Variants in DRC8 observed in about 807,000 individuals in gnomAD.
DRC8 encodes dynein regulatory complex subunit 8, also known as dynein regulatory complex protein 8.
At chr1:245,012,787 G>A in the DRC8 span, among the ~76,000 whole-genome samples, 3,550 of 152,126 alleles carry the variant, frequency 0.023, 154 homozygotes, top group African/African-American at 0.082. Flanking sequence ...GATTGCAATA[G>A]CAATAAAACT....
At chr1:244,989,439 A>G in the DRC8 span, among the ~76,000 whole-genome samples, 1 of 152,146 alleles carries the variant, frequency 6.6e-6, no homozygotes, top group African/African-American at 2.4e-5. Context: ...AATGGGTCAG[A>G]ATGCCCCTCT....
the DRC8 span, chr1:245,087,633 C>G: frequency 1.9e-6 from 2 of 1,060,878 alleles, no homozygotes; most frequent in African/African-American, 3.4e-5. Context: ...TACAATAAAA[C>G]TCAGGTCACC....
chr1:245,002,090 A>T, the DRC8 span: 1 of 1,542,158 alleles, frequency 6.5e-7, no homozygotes, highest in Non-Finnish European at 8.8e-7. Context: ...ATTGATCACC[A>T]AGTACTCTTC....
the DRC8 span, among the ~76,000 whole-genome samples, chr1:245,021,828 A>G: frequency 6.6e-6 from 1 of 152,106 alleles, no homozygotes; most frequent in Admixed American, 6.5e-5. Flanking sequence ...CAAAACTCTC[A>G]TAAGAACTTT....
the DRC8 span, among the ~76,000 whole-genome samples, chr1:245,090,571 A>G: frequency 6.6e-6 from 1 of 152,212 alleles, no homozygotes; most frequent in Non-Finnish European, 1.5e-5. Context: ...AAAGGTGACA[A>G]TCAAGAAGTT....
At chr1:245,012,600 C>T in the DRC8 span, among the ~76,000 whole-genome samples, 5 of 151,948 alleles carry the variant, frequency 3.3e-5, no homozygotes, top group African/African-American at 4.8e-5. Context: ...ATCACAATAT[C>T]TACAAAACCC....
chr1:245,016,207 C>T, the DRC8 span, among the ~76,000 whole-genome samples: 79,614 of 151,946 alleles, frequency 0.52, 23,316 homozygotes, highest in East Asian at 0.75. Context: ...TCTCAAACTC[C>T]TGACCTCAGG....
At chr1:244,979,282 C>G in the DRC8 span, among the ~76,000 whole-genome samples, 4 of 138,746 alleles carry the variant, frequency 2.9e-5, no homozygotes, top group Non-Finnish European at 6.1e-5. Flanking sequence ...AGGAGATAAC[C>G]GAAGCTTATC....
At chr1:245,099,034 T>C in the DRC8 span, among the ~76,000 whole-genome samples, 1 of 152,102 alleles carries the variant, frequency 6.6e-6, no homozygotes, top group African/African-American at 2.4e-5. Context: ...GAAACACCGT[T>C]TCATTTTTTC....
chr1:245,033,184 G>A, the DRC8 span, among the ~76,000 whole-genome samples: 1 of 152,196 alleles, frequency 6.6e-6, no homozygotes, highest in East Asian at 1.9e-4. Context: ...ACTGGACCTG[G>A]TGACCTTTAT....
chr1:245,039,876 G>A, the DRC8 span, among the ~76,000 whole-genome samples: 1 of 152,162 alleles, frequency 6.6e-6, no homozygotes, highest in Non-Finnish European at 1.5e-5. Flanking sequence ...TCATGTCAGG[G>A]AATACATGAT....
the DRC8 span, among the ~76,000 whole-genome samples, chr1:244,971,393 G>C: frequency 6.6e-6 from 1 of 152,242 alleles, no homozygotes; most frequent in African/African-American, 2.4e-5. Context: ...CGGAGGCATC[G>C]ATGTGTTGTC....
At chr1:245,052,986 A>C in the DRC8 span, among the ~76,000 whole-genome samples, 1 of 152,214 alleles carries the variant, frequency 6.6e-6, no homozygotes, top group Non-Finnish European at 1.5e-5. Context: ...TGTATGATAA[A>C]ACTTGAGATA....
At chr1:245,047,943 C>T in the DRC8 span, among the ~76,000 whole-genome samples, 1 of 147,826 alleles carries the variant, frequency 6.8e-6, no homozygotes, top group African/African-American at 2.5e-5. Flanking sequence ...CCACTGCACT[C>T]CAGCCTGGGT....
the DRC8 span, among the ~76,000 whole-genome samples, chr1:245,082,643 A>C: frequency 6.6e-6 from 1 of 152,180 alleles, no homozygotes; most frequent in Non-Finnish European, 1.5e-5. Context: ...AAATCCAAAA[A>C]GATTTCAATG....
chr1:244,997,783 G>A, the DRC8 span, among the ~76,000 whole-genome samples: 4 of 152,078 alleles, frequency 2.6e-5, no homozygotes, highest in African/African-American at 9.7e-5. Flanking sequence ...GACCTCAGGT[G>A]ATCCGCCCAC....
chr1:245,052,731 G>C, the DRC8 span, among the ~76,000 whole-genome samples: 1 of 152,228 alleles, frequency 6.6e-6, no homozygotes, highest in Non-Finnish European at 1.5e-5. Flanking sequence ...GAGAAGTGCA[G>C]GTTTTAGAAT....
At chr1:245,003,535 C>T in the DRC8 span, among the ~76,000 whole-genome samples, 7 of 152,274 alleles carry the variant, frequency 4.6e-5, no homozygotes, top group East Asian at 1.3e-3. Flanking sequence ...TACTTACTGG[C>T]CTCTTTTGTA....
At chr1:245,005,771 T>A in the DRC8 span, among the ~76,000 whole-genome samples, 26 of 152,310 alleles carry the variant, frequency 1.7e-4, no homozygotes, top group African/African-American at 5.8e-4. Flanking sequence ...ATGATAGAGA[T>A]AGCATGTATG....
Sources: allele counts gnomAD v4.1 joint callset (sites outside exome capture counted in the v4.1 genomes callset), GRCh38; gene constraint gnomAD v4.1.1; transcripts MANE v1.5; gene names NCBI Gene and HGNC (gene_info 2026-07-23, HGNC 2026-07-21).